DENND5B: variants seen among roughly 807,000 people sequenced by gnomAD.
DENND5B encodes DENN domain containing 5B, also known as DENN domain-containing protein 5B.
In DENND5B, 34 loss-of-function variants were observed where a neutral mutation model predicts 140.6. The observed-to-expected ratio is 0.24, with a 90% confidence interval of 0.18 to 0.32. The LOEUF is 0.32. Among genes scored for constraint, DENND5B ranks in the 10% least tolerant of loss-of-function variants. The probability of loss-of-function intolerance (pLI) is 1.00; values close to 1 mark genes in which losing one functional copy is unlikely to be tolerated. For missense variants in DENND5B, 1,142 were observed against 1,560.2 expected (o/e 0.73, Z 4.52); for synonymous variants, 551 against 562.1 (o/e 0.98, Z 0.28).
intron 1 of DENND5B, among the ~76,000 whole-genome samples, chr12:31,586,345 T>C (rs748734648): frequency 1.3e-5 from 2 of 152,192 alleles, no homozygotes; most frequent in African/African-American, 2.4e-5. Context: ...AAAGGACGTT[T>C]TGTTCATGGG....
chr12:31,478,119 TAGA>T (rs1945904885), intron 3 of DENND5B: 1 of 152,174 alleles, frequency 6.6e-6, no homozygotes, highest in African/African-American at 2.4e-5. Context: ...GGAAAGAATT[TAGA>T]TTGGTCATTA....
At chr12:31,468,826 AC>A (rs879822639) in intron 3 of DENND5B, among the ~76,000 whole-genome samples, 82,279 of 151,382 alleles carry the variant, frequency 0.54, 22,851 homozygotes, top group East Asian at 0.82. Context: ...AACCAAACAA[AC>A]AAAAGGAAGT....
At chr12:31,533,791 G>A (rs566586929) in intron 1 of DENND5B, among the ~76,000 whole-genome samples, 4 of 152,256 alleles carry the variant, frequency 2.6e-5, no homozygotes, top group African/African-American at 7.2e-5. Flanking sequence ...CTGTGGTAGG[G>A]GAGGCAGTAT....
intron 2 of DENND5B, among the ~76,000 whole-genome samples, chr12:31,490,490 T>C (rs1463706037): frequency 6.6e-6 from 1 of 151,800 alleles, no homozygotes; most frequent in African/African-American, 2.4e-5. Context: ...TGCACACCTG[T>C]AGTCTCAGCT....
intron 1 of DENND5B, among the ~76,000 whole-genome samples, chr12:31,527,686 G>A (rs565229003): frequency 1.8e-3 from 281 of 152,244 alleles, no homozygotes; most frequent in Non-Finnish European, 1.7e-3. Context: ...GCTGAGGCAG[G>A]AGAACTGCTT....
At chr12:31,568,176 C>T (rs1197658448) in intron 1 of DENND5B, among the ~76,000 whole-genome samples, 3 of 152,254 alleles carry the variant, frequency 2.0e-5, no homozygotes, top group African/African-American at 7.2e-5. Flanking sequence ...GATGGGTACA[C>T]AAAATCATTT....
chr12:31,567,283 A>C (rs1592064386), intron 1 of DENND5B, among the ~76,000 whole-genome samples: 1 of 150,146 alleles, frequency 6.7e-6, no homozygotes, highest in Non-Finnish European at 1.5e-5. Flanking sequence ...GCATCACTGC[A>C]CTCCAGCCTG....
At chr12:31,546,625 G>A (rs969144165) in intron 1 of DENND5B, among the ~76,000 whole-genome samples, 7 of 152,184 alleles carry the variant, frequency 4.6e-5, no homozygotes, top group African/African-American at 1.4e-4. Flanking sequence ...GGCAGATGTT[G>A]TAGTGAGCCG....
intron 1 of DENND5B, among the ~76,000 whole-genome samples, chr12:31,544,791 T>C (rs1948802275): frequency 6.6e-6 from 1 of 152,102 alleles, no homozygotes; most frequent in Admixed American, 6.6e-5. Flanking sequence ...TAGGATGCAC[T>C]ATGAACTATA....
chr12:31,460,813 C>T (rs919635875), intron 3 of DENND5B, among the ~76,000 whole-genome samples: 3 of 151,944 alleles, frequency 2.0e-5, no homozygotes, highest in African/African-American at 7.3e-5. Context: ...GCAACCTCCA[C>T]ATCTCGGATT....
rs149028263 is a variant in DENND5B at position 31,400,043 on chromosome 12, C to T, written c.2950-271G>A. 3.3e-3 allele frequency among the ~76,000 whole-genome samples: 507 copies of T among 152,270 alleles called. 5 individuals are homozygous for T. Among genetic ancestry groups the T allele is most frequent in the African/African-American group, 0.011 (474 of 41,562 alleles). ...AGAGATGTAAAAAGTGCTAGAAGAA[C>T]GCTGGGGAAGGAACAGTTACTTCTA... On this transcript the variant is annotated intron_variant, in intron 15 of 20. Transcript: ENST00000389082.
At chr12:31,554,809 C>G (rs574276738) in intron 1 of DENND5B, among the ~76,000 whole-genome samples, 1 of 152,290 alleles carries the variant, frequency 6.6e-6, no homozygotes, top group Non-Finnish European at 1.5e-5. Flanking sequence ...TCATTCATTT[C>G]GTCTTCCATC....
intron 1 of DENND5B, chr12:31,506,478 C>T (rs1947206379): frequency 6.6e-6 from 1 of 152,194 alleles, no homozygotes; most frequent in Admixed American, 6.6e-5. Context: ...CTGTTTCAAT[C>T]TCAACTGAGT....
chr12:31,461,550 A>C (rs1398660547), intron 3 of DENND5B, among the ~76,000 whole-genome samples: 1 of 152,204 alleles, frequency 6.6e-6, no homozygotes, highest in East Asian at 1.9e-4. Flanking sequence ...TTAATTTAGA[A>C]AAGCAGTATG....
chr12:31,507,333 AAAAAT>A (rs763220951), intron 1 of DENND5B, among the ~76,000 whole-genome samples: 3 of 152,150 alleles, frequency 2.0e-5, no homozygotes, highest in Non-Finnish European at 4.4e-5. Context: ...ATGGAAACAA[AAAAAT>A]AAAAATGTTT....
intron 17 of DENND5B, among the ~76,000 whole-genome samples, chr12:31,392,919 A>G (rs1016892043): frequency 5.9e-5 from 9 of 152,228 alleles, no homozygotes; most frequent in Non-Finnish European, 1.0e-4. Context: ...TCCCAGCATT[A>G]CCATCTGCAA....
intron 1 of DENND5B, among the ~76,000 whole-genome samples, chr12:31,514,578 G>A (rs962710978): frequency 6.6e-5 from 10 of 152,168 alleles, no homozygotes; most frequent in African/African-American, 9.7e-5. Flanking sequence ...CACTGTGGGA[G>A]GCCAAGGTGG....
intron 11 of DENND5B, among the ~76,000 whole-genome samples, chr12:31,416,349 C>T (rs531061167): frequency 6.6e-6 from 1 of 151,966 alleles, no homozygotes; most frequent in Non-Finnish European, 1.5e-5. Flanking sequence ...CTGCAACCTC[C>T]GCCTCCTGAG....
chr12:31,537,035 G>A lies in DENND5B; in HGVS notation c.128-41116C>T, dbSNP rs182781520. On this transcript the variant is annotated intron_variant, in intron 1 of 20. Transcript: ENST00000389082. ...ACTTTCCCAGACAAACAAACACTGA[G>A]GGATTTCATCAACACCAGATCTAGC... 3.9e-5 allele frequency among the ~76,000 whole-genome samples: 6 copies of A among 152,242 alleles called. No homozygotes were observed. In the East Asian group the frequency reaches 1.2e-3, roughly 29 times the overall value.
Sources: allele counts gnomAD v4.1 joint callset (sites outside exome capture counted in the v4.1 genomes callset), GRCh38; gene constraint gnomAD v4.1.1; transcripts MANE v1.5; gene names NCBI Gene and HGNC (gene_info 2026-07-23, HGNC 2026-07-21).